The following CDH8 variants were observed in gnomAD, a reference collection of about 807,000 sequenced individuals.
CDH8 encodes the protein cadherin 8, also known as cadherin-8.
CDH8 carries 17 observed loss-of-function variants against 68.1 expected under a neutral mutation model. The ratio of observed to expected loss-of-function variants is 0.25; its 90% CI spans 0.17 to 0.37. CDH8 has a LOEUF of 0.37. CDH8 is among the 10% of genes least tolerant of loss of function. The probability of loss-of-function intolerance (pLI) is 1.00; values close to 1 mark genes in which losing one functional copy is unlikely to be tolerated. For missense variants in CDH8, 763 were observed against 999.3 expected, an observed-to-expected ratio of 0.76 and a Z score of 3.19; for synonymous variants, 372 against 365.1, an observed-to-expected ratio of 1.02 and a Z score of -0.21.
At chr16:61,981,408 T>C (rs1430041001) in intron 2 of CDH8, among the ~76,000 whole-genome samples, 1 of 152,222 alleles carries the variant, frequency 6.6e-6, no homozygotes, top group African/African-American at 2.4e-5. Flanking sequence ...TATTTCTTAG[T>C]TCCACGGGCT....
rs1291741026 is a variant in CDH8 at position 61,817,727 on chromosome 16, C to T, written c.1029G>A (p.Leu343=). The T allele has an allele frequency of 1.3e-6, 2 of 1,556,146 alleles. No individual in the cohort carries two copies. Among genetic ancestry groups the T allele is most frequent in the Non-Finnish European group, 1.7e-6 (2 of 1,155,118 alleles). ...TATAGGATTTTTTGGTCTCAAAGTCCAGAGGCTGTTAAGAAATGACAAAGA... is the reference window on the plus strand; with the variant it reads ...TATAGGATTTTTTGGTCTCAAAGTCTAGAGGCTGTTAAGAAATGACAAAGA... ...QDGIIRLRKP[L]DFETKKSYTL... is the part of the protein sequence containing the mutation. Residue 343 remains leucine, a synonymous_variant, in exon 7 of 12, where the codon CTG becomes CTA. Coordinates refer to ENST00000577390, the MANE Select transcript of CDH8 (RefSeq NM_001796.5).
At chr16:61,658,298 G>C (rs1359459351) in intron 10 of CDH8, among the ~76,000 whole-genome samples, 1 of 151,906 alleles carries the variant, frequency 6.6e-6, no homozygotes, top group Non-Finnish European at 1.5e-5. Context: ...GGTTTCTGCT[G>C]TAACACTCAT....
intron 9 of CDH8, among the ~76,000 whole-genome samples, chr16:61,723,744 A>C (rs1398275436): frequency 6.6e-6 from 1 of 150,670 alleles, no homozygotes; most frequent in South Asian, 2.1e-4. Context: ...ACAAACTGTC[A>C]GACATATATT....
intron 3 of CDH8, among the ~76,000 whole-genome samples, chr16:61,877,630 T>G (rs1963486194): frequency 6.6e-6 from 1 of 152,170 alleles, no homozygotes; most frequent in Non-Finnish European, 1.5e-5. Context: ...CTCTTTAATT[T>G]GGAAAGAAAG....
chr16:61,657,056 GTTT>G (rs72054991), intron 10 of CDH8, among the ~76,000 whole-genome samples: 6 of 148,290 alleles, frequency 4.0e-5, no homozygotes, highest in African/African-American at 7.4e-5. Flanking sequence ...ATAATTATTT[GTTT>G]TTTTTTTTTC....
chr16:62,013,712 C>T (rs1421335348), intron 2 of CDH8, among the ~76,000 whole-genome samples: 1 of 152,112 alleles, frequency 6.6e-6, no homozygotes, highest in Non-Finnish European at 1.5e-5. Flanking sequence ...AGTCACTTTC[C>T]AGTCATGTAG....
intron 10 of CDH8, among the ~76,000 whole-genome samples, chr16:61,705,385 A>G (rs190445756): frequency 2.1e-3 from 317 of 152,324 alleles, no homozygotes; most frequent in Non-Finnish European, 4.1e-3. Context: ...TATGAAAAGT[A>G]TAATGGTTTC....
chr16:61,742,209 T>C (rs1959892682), intron 8 of CDH8, among the ~76,000 whole-genome samples: 1 of 152,146 alleles, frequency 6.6e-6, no homozygotes, highest in Non-Finnish European at 1.5e-5. Flanking sequence ...TTTGTAACTC[T>C]GACAACCATG....
chr16:61,750,036 G>C (rs968280858), intron 8 of CDH8, among the ~76,000 whole-genome samples: 1 of 151,978 alleles, frequency 6.6e-6, no homozygotes, highest in Non-Finnish European at 1.5e-5. Flanking sequence ...TTCAATAGCT[G>C]GTTTTTCAAC....
chr16:61,858,096 C>A (rs1412180819), intron 3 of CDH8, among the ~76,000 whole-genome samples: 1 of 151,936 alleles, frequency 6.6e-6, no homozygotes, highest in Non-Finnish European at 1.5e-5. Flanking sequence ...CACATACACA[C>A]ACACACAACA....
intron 8 of CDH8, among the ~76,000 whole-genome samples, chr16:61,787,547 T>C (rs1174625125): frequency 1.0e-4 from 14 of 140,528 alleles, no homozygotes; most frequent in African/African-American, 3.9e-4. Context: ...TCCTCAGGGA[T>C]CTAGAACTAG....
intron 2 of CDH8, among the ~76,000 whole-genome samples, chr16:61,963,554 C>T (rs912358187): frequency 5.3e-5 from 8 of 152,170 alleles, no homozygotes; most frequent in Non-Finnish European, 1.0e-4. Context: ...CAGAAGGGGC[C>T]TCAGGCCAAG....
chr16:61,975,602 T>C (rs183858517), intron 2 of CDH8, among the ~76,000 whole-genome samples: 12 of 152,302 alleles, frequency 7.9e-5, no homozygotes, highest in Admixed American at 3.3e-4. Context: ...TAAAAAAATC[T>C]ATCATTTGTT....
chr16:62,017,772 C>A (rs1434090657), intron 2 of CDH8, among the ~76,000 whole-genome samples: 1 of 152,100 alleles, frequency 6.6e-6, no homozygotes, highest in Non-Finnish European at 1.5e-5. Context: ...ATCTTACTCT[C>A]AGTCATCTTA....
intron 2 of CDH8, among the ~76,000 whole-genome samples, chr16:61,960,191 GTATACACATACATATATACA>G: frequency 8.3e-6 from 1 of 120,170 alleles, no homozygotes; most frequent in South Asian, 2.6e-4. Flanking sequence ...ATATGTGTGT[GTATACACATACATATATACA>G]TGTGTGTGTG....
chr16:61,727,282 C>T (rs1194337428), intron 8 of CDH8, 67 bp from the exon 9 acceptor site: 87 of 1,486,998 alleles, frequency 5.9e-5, no homozygotes, highest in Non-Finnish European at 7.3e-6. Context: ...TCAACTTTCT[C>T]TTGAAAGCAT....
intron 11 of CDH8, among the ~76,000 whole-genome samples, chr16:61,654,536 T>G (rs192726426): frequency 9.9e-5 from 15 of 152,198 alleles, no homozygotes; most frequent in Middle Eastern, 3.4e-3. Context: ...GCTTTCACAG[T>G]TTTTCAAGGC....
intron 3 of CDH8, among the ~76,000 whole-genome samples, chr16:61,864,337 G>A (rs1234134680): frequency 1.3e-5 from 2 of 151,726 alleles, no homozygotes; most frequent in Non-Finnish European, 2.9e-5. Flanking sequence ...TTGGTTGGTT[G>A]GTTGGTTGAT....
intron 8 of CDH8, among the ~76,000 whole-genome samples, chr16:61,784,032 C>T (rs1489446678): frequency 1.5e-4 from 22 of 151,208 alleles, no homozygotes; most frequent in Admixed American, 7.9e-4. Flanking sequence ...CATCAACTAA[C>T]GAGCAAAATC....
Sources: allele counts gnomAD v4.1 joint callset (sites outside exome capture counted in the v4.1 genomes callset), GRCh38; gene constraint gnomAD v4.1.1; transcripts MANE v1.5; gene names NCBI Gene and HGNC (gene_info 2026-07-23, HGNC 2026-07-21).